Variants in ERBB4 observed in about 807,000 individuals in gnomAD.
ERBB4 encodes receptor tyrosine-protein kinase erbB-4.
A neutral mutation model predicts 158.0 loss-of-function variants in ERBB4; 42 were observed. The ratio of observed to expected loss-of-function variants is 0.27; its 90% confidence interval spans 0.21 to 0.34. ERBB4 has a LOEUF of 0.34. Ranked by LOEUF, ERBB4 falls within the 10% of genes least tolerant of loss-of-function variation. The pLI is 1.00. For synonymous variants in ERBB4, 583 were observed against 558.7 expected, an observed-to-expected ratio of 1.04 and a Z score of -0.61; for missense variants, 1,333 against 1,624.1, an observed-to-expected ratio of 0.82 and a Z score of 3.08.
At chr2:212,247,192 C>G (rs547344852) in intron 1 of ERBB4, among the ~76,000 whole-genome samples, 16 of 152,170 alleles carry the variant, frequency 1.1e-4, no homozygotes, top group African/African-American at 3.9e-4. Flanking sequence ...GATATGGATG[C>G]CTTATTGTAT....
intron 3 of ERBB4, among the ~76,000 whole-genome samples, chr2:211,835,003 A>G (rs2077309164): frequency 6.6e-6 from 1 of 152,148 alleles, no homozygotes; most frequent in Admixed American, 6.6e-5. Flanking sequence ...CATAATGCAT[A>G]AACATGTCAA....
intron 2 of ERBB4, among the ~76,000 whole-genome samples, chr2:212,048,535 G>A (rs2077315650): frequency 1.3e-5 from 2 of 152,114 alleles, no homozygotes; most frequent in African/African-American, 4.8e-5. Flanking sequence ...AAAATCGAAG[G>A]TAATCCCTAG....
At chr2:211,714,847 TA>T (rs2073841397) in intron 7 of ERBB4, among the ~76,000 whole-genome samples, 1 of 152,178 alleles carries the variant, frequency 6.6e-6, no homozygotes, top group Admixed American at 6.5e-5. Flanking sequence ...GAAGCACAAG[TA>T]AACTGCATAA....
intron 12 of ERBB4, among the ~76,000 whole-genome samples, chr2:211,701,630 C>A (rs62182963): frequency 6.6e-6 from 1 of 151,698 alleles, no homozygotes; most frequent in African/African-American, 2.4e-5. Context: ...CGGCGGCGGG[C>A]GCCTGTAGTC....
At chr2:212,477,753 T>A (rs997215493) in intron 1 of ERBB4, among the ~76,000 whole-genome samples, 1 of 152,106 alleles carries the variant, frequency 6.6e-6, no homozygotes, top group Non-Finnish European at 1.5e-5. Context: ...TGTTTCCTCA[T>A]CAGCACAGTG....
At chr2:212,082,213 G>A (rs888273083) in intron 2 of ERBB4, among the ~76,000 whole-genome samples, 13 of 151,998 alleles carry the variant, frequency 8.6e-5, no homozygotes, top group East Asian at 1.9e-4. Flanking sequence ...AGCTTTAGAC[G>A]TAGATTACAT....
At chr2:211,550,775 A>G (rs1269789641) in intron 20 of ERBB4, among the ~76,000 whole-genome samples, 2 of 148,528 alleles carry the variant, frequency 1.3e-5, no homozygotes, top group East Asian at 3.9e-4. Flanking sequence ...TCTCTTTACA[A>G]AGCAATACAC....
At chr2:211,941,583 G>A (rs1005287333) in intron 3 of ERBB4, among the ~76,000 whole-genome samples, 4 of 152,110 alleles carry the variant, frequency 2.6e-5, no homozygotes, top group Non-Finnish European at 5.9e-5. Context: ...TGAAAGACAG[G>A]AGAGAAGTGC....
chr2:212,109,133 T>C (rs746522391), intron 2 of ERBB4, among the ~76,000 whole-genome samples: 7 of 152,164 alleles, frequency 4.6e-5, no homozygotes, highest in Admixed American at 6.5e-5. Context: ...TGAACAAACA[T>C]CTTTGGGTGC....
At chr2:212,162,899 G>A (rs2081243369) in intron 1 of ERBB4, among the ~76,000 whole-genome samples, 1 of 151,914 alleles carries the variant, frequency 6.6e-6, no homozygotes, top group African/African-American at 2.4e-5. Flanking sequence ...CAATTTTATA[G>A]TAACAGCAAA....
chr2:211,933,700 A>G (rs142306388), intron 3 of ERBB4, among the ~76,000 whole-genome samples: 5,467 of 152,142 alleles, frequency 0.036, 133 homozygotes, highest in Admixed American at 0.066. Context: ...TAGGACAAGA[A>G]AAACCCTCAT....
At chr2:212,014,413 C>A (rs112954436) in intron 2 of ERBB4, among the ~76,000 whole-genome samples, 5,171 of 152,208 alleles carry the variant, frequency 0.034, 115 homozygotes, top group African/African-American at 0.058. Context: ...TCTAAACAGA[C>A]ACGGGCTTTG....
chr2:212,066,813 T>C lies in ERBB4; in HGVS notation c.234+57939A>G, dbSNP rs560835063. Among the ~76,000 whole-genome samples, 10 of 151,988 alleles carry C rather than the reference T, an allele frequency of 6.6e-5. No individual in the cohort carries two copies. The South Asian group carries it at 1.0e-3, about 16-fold the overall frequency. On this transcript the variant is annotated intron_variant, in intron 2 of 27. Coordinates refer to ENST00000342788, the MANE Select transcript of ERBB4 (RefSeq NM_005235.3). ...AGTATTATGACTTTAAGGAGATTCA[T>C]GGAAAGCATGAAAAGAACTCTGACA... is the stretch of plus-strand genomic sequence containing the variant.
At chr2:212,528,941 G>A (rs1560564220) in intron 1 of ERBB4, among the ~76,000 whole-genome samples, 1 of 152,108 alleles carries the variant, frequency 6.6e-6, no homozygotes, top group Non-Finnish European at 1.5e-5. Flanking sequence ...TAACAAAGTT[G>A]TATTATCACA....
At chr2:211,784,496 A>G (rs892128915) in intron 4 of ERBB4, among the ~76,000 whole-genome samples, 6 of 152,176 alleles carry the variant, frequency 3.9e-5, no homozygotes, top group African/African-American at 7.2e-5. Context: ...TGTTTATTCA[A>G]TCATCCATAT....
At chr2:211,848,763 C>G (rs1261929377) in intron 3 of ERBB4, among the ~76,000 whole-genome samples, 1 of 151,988 alleles carries the variant, frequency 6.6e-6, no homozygotes, top group Non-Finnish European at 1.5e-5. Flanking sequence ...ATTCTTGGAC[C>G]TCTTTCTAGA....
chr2:212,373,171 A>C (rs938955031), intron 1 of ERBB4, among the ~76,000 whole-genome samples: 1 of 152,164 alleles, frequency 6.6e-6, no homozygotes. Flanking sequence ...TAACACCAAA[A>C]ATAAAATTAA....
chr2:212,208,509 T>A (rs1400640242), intron 1 of ERBB4, among the ~76,000 whole-genome samples: 5 of 152,128 alleles, frequency 3.3e-5, no homozygotes, highest in African/African-American at 4.8e-5. Context: ...TATATTGGAA[T>A]AGGACACAAC....
At chr2:212,095,812 G>T (rs1379844436) in intron 2 of ERBB4, among the ~76,000 whole-genome samples, 1 of 151,792 alleles carries the variant, frequency 6.6e-6, no homozygotes, top group Non-Finnish European at 1.5e-5. Context: ...GTGGGCGCCT[G>T]TAGTCCCAGC....
Sources: gnomAD v4.1 joint callset for allele counts (sites outside exome capture counted in the v4.1 genomes callset) on GRCh38, gnomAD v4.1.1 for gene constraint, MANE v1.5 for transcripts, NCBI Gene and HGNC (gene_info 2026-07-23, HGNC 2026-07-21) for gene names.